MTMR9: variants seen among roughly 807,000 people sequenced by gnomAD.
The protein encoded by MTMR9 is myotubularin related protein 9.
Under a neutral mutation model 69.5 loss-of-function variants are expected in MTMR9, and 39 were observed. The observed-to-expected ratio is 0.56, with a 90% confidence interval of 0.43 to 0.73. The LOEUF is 0.73. MTMR9 is among the 30% of genes least tolerant of loss of function. The pLI, the probability that MTMR9 is intolerant of heterozygous loss-of-function variation, is 0.00. For missense variants in MTMR9, 900 were observed against 671.2 expected (o/e 1.34, Z -3.77); for synonymous variants, 354 against 240.8 (o/e 1.47, Z -4.35).
At chr8:11,288,187 C>G (rs1442833399) in intron 1 of MTMR9, among the ~76,000 whole-genome samples, 3 of 133,272 alleles carry the variant, frequency 2.3e-5, no homozygotes, top group Non-Finnish European at 3.1e-5. Flanking sequence ...ACCTATTCAC[C>G]TAATACATGT....
At chr8:11,295,125 A>AG in intron 1 of MTMR9, 69 bp from the exon 2 acceptor site, 1 of 831,918 alleles carries the variant, frequency 1.2e-6, no homozygotes. Flanking sequence ...TTCTCTTTTC[A>AG]AAGAAATAAT....
chr8:11,329,360 C>A (rs902504879), downstream of MTMR9, among the ~76,000 whole-genome samples: 8 of 152,240 alleles, frequency 5.3e-5, no homozygotes, highest in African/African-American at 1.9e-4. Context: ...CCCTCTGATG[C>A]CGAGCCAAAG....
Position 11,298,452 on chromosome 8 carries a change from G to A in MTMR9, c.292-1571G>A, listed in dbSNP as rs117018004. On this transcript the variant is annotated intron_variant, in intron 2 of 9. Coordinates refer to ENST00000221086, the MANE Select transcript of MTMR9 (RefSeq NM_015458.4). ...GCTTCTCTATATTTTGTTTTATGAGGTAGGAGAGAAGGTTTCATGATTTAT... is the reference window on the plus strand; with the variant it reads ...GCTTCTCTATATTTTGTTTTATGAGATAGGAGAGAAGGTTTCATGATTTAT... Among the ~76,000 whole-genome samples the A allele has an allele frequency of 3.3e-3, 504 of 152,156 alleles. 4 individuals are homozygous for A. Among genetic ancestry groups the A allele is most frequent in the Non-Finnish European group, 2.4e-3 (160 of 68,008 alleles).
intron 2 of MTMR9, chr8:11,297,883 T>A (rs377014461): frequency 1.0e-4 from 46 of 456,194 alleles, no homozygotes; most frequent in South Asian, 5.6e-4. Context: ...CTGTCCTCTA[T>A]CCTTTTCCTG....
Position 11,284,822 on chromosome 8 carries a change from T to C in MTMR9, c.-67T>C. On this transcript the variant is annotated 5_prime_UTR_variant, in exon 1 of 10. Coordinates refer to ENST00000221086, the MANE Select transcript of MTMR9 (RefSeq NM_015458.4). ...CCCCGCGCCGGGTGTTTCCGCTACT[T>C]CCCTGCGGCGGGGTAACCGCCTCGC... 1 of 1,436,088 alleles carries C rather than the reference T, an allele frequency of 7.0e-7. No individual in the cohort carries two copies. Among genetic ancestry groups the C allele is most frequent in the Non-Finnish European group, 9.3e-7 (1 of 1,073,040 alleles). 89.0% of individuals were successfully genotyped at this position (1,436,088 alleles called of 1,614,324 possible).
chr8:11,322,318 A>C lies in MTMR9; in HGVS notation c.1487-307A>C, dbSNP rs1223066000. On this transcript the variant is annotated intron_variant, in intron 9 of 9. Coordinates refer to ENST00000221086, the MANE Select transcript of MTMR9 (RefSeq NM_015458.4). ...AAAGTTTATGACATTGCAAATTATC[A>C]TCTTGTTTTCCTGAATATATCATAA... 2.0e-5 allele frequency among the ~76,000 whole-genome samples: 3 copies of C among 152,220 alleles called. No homozygotes were observed. In the East Asian group the frequency reaches 5.8e-4, roughly 29 times the overall value.
the MTMR9 span, among the ~76,000 whole-genome samples, chr8:11,336,270 G>A: frequency 6.6e-6 from 1 of 152,152 alleles, no homozygotes; most frequent in Non-Finnish European, 1.5e-5. Context: ...TCTATGCATA[G>A]CCTCCATCCC....
downstream of MTMR9, chr8:11,331,239 C>G (rs538767857): frequency 1.1e-5 from 17 of 1,612,910 alleles, 1 homozygote; most frequent in Middle Eastern, 1.2e-3. Context: ...GGTGGCCCTG[C>G]TGGGTGGGGG....
chr8:11,314,546 G>A (rs1800332689), intron 6 of MTMR9, among the ~76,000 whole-genome samples: 1 of 152,138 alleles, frequency 6.6e-6, no homozygotes, highest in South Asian at 2.1e-4. Flanking sequence ...GATGAGAAGA[G>A]GCTTTAACCA....
chr8:11,313,971 G>C (rs1166459888), intron 6 of MTMR9, among the ~76,000 whole-genome samples: 2 of 152,230 alleles, frequency 1.3e-5, no homozygotes, highest in Non-Finnish European at 2.9e-5. Context: ...TGCAGTATCT[G>C]TGAAGAGCAA....
chr8:11,317,286 A>G (rs1292190874), intron 8 of MTMR9: 2 of 153,388 alleles, frequency 1.3e-5, no homozygotes, highest in African/African-American at 2.4e-5. Context: ...TTGGTCATCA[A>G]AAGTGTGGCC....
rs1332629344 is a variant in MTMR9, at chr8:11,326,006, A to G, written c.*3218A>G. On this transcript the variant is annotated 3_prime_UTR_variant, in exon 10 of 10. Coordinates refer to ENST00000221086, the MANE Select transcript of MTMR9 (RefSeq NM_015458.4). ...AGGCCTGATTTAGGGGTGGGATTTT[A>G]TTGCTTTTTGTTTTAAAGGATGAAA... 1.3e-5 allele frequency: 2 copies of G among 152,190 alleles called. No individual in the cohort carries two copies. The highest frequency in any genetic ancestry group is 1.3e-4 in the Admixed American group (2 of 15,300). 9.4% of individuals were successfully genotyped at this position (152,190 alleles called of 1,614,324 possible). A position where few individuals can be genotyped will look rare whatever the true frequency, so the allele number is the denominator to read the frequency against.
At chr8:11,298,743 A>G (rs1471326709) in intron 2 of MTMR9, 8 of 876,404 alleles carry the variant, frequency 9.1e-6, no homozygotes, top group Non-Finnish European at 1.1e-5. Flanking sequence ...CATCCAGTAT[A>G]GAAATACTTT....
chr8:11,331,152 C>G, downstream of MTMR9: 1 of 1,611,342 alleles, frequency 6.2e-7, no homozygotes, highest in Non-Finnish European at 8.5e-7. Flanking sequence ...CTCCACACAC[C>G]CATCGCCGCC....
downstream of MTMR9, chr8:11,332,184 G>C: frequency 6.6e-7 from 1 of 1,508,718 alleles, no homozygotes; most frequent in Non-Finnish European, 8.8e-7. Context: ...AAAGACTGAA[G>C]ACAAAAAAAA....
At chr8:11,314,323 G>T (rs535952568) in intron 6 of MTMR9, among the ~76,000 whole-genome samples, 41 of 152,168 alleles carry the variant, frequency 2.7e-4, no homozygotes, top group Admixed American at 5.9e-4. Flanking sequence ...AGACACTTCT[G>T]AGTCTCATGA....
At chr8:11,295,351 ACT>A in intron 2 of MTMR9, 49 bp downstream of exon 2, 1 of 1,035,578 alleles carries the variant, frequency 9.7e-7, no homozygotes. Context: ...TTATATTATG[ACT>A]CAGTGTAGCT....
At position 11,326,193 on chromosome 8, in the gene MTMR9, G is replaced by A. The variant is rs554508849; in HGVS notation, c.*3405G>A. 3 of 152,216 alleles carry A rather than the reference G, an allele frequency of 2.0e-5. No homozygotes were observed. The highest frequency in any genetic ancestry group is 4.4e-5 in the Non-Finnish European group (3 of 68,036). The allele number at this position is 152,216 out of a possible 1,614,324, so 9.4% of individuals were successfully genotyped here. On this transcript the variant is annotated 3_prime_UTR_variant, in exon 10 of 10. Coordinates refer to ENST00000221086, the MANE Select transcript of MTMR9 (RefSeq NM_015458.4). The stretch of plus-strand genomic sequence containing the variant: ...AGATCTGCTTCAAGGCATAACTCGT[G>A]TAGTTGTCTGGTTTCAGGGATAGCT...
chr8:11,295,987 G>C (rs1467335679), intron 2 of MTMR9, among the ~76,000 whole-genome samples: 3 of 152,120 alleles, frequency 2.0e-5, no homozygotes, highest in Non-Finnish European at 4.4e-5. Flanking sequence ...TTAGCAGCTA[G>C]AAGTGGAATT....
Sources: gnomAD v4.1 joint callset for allele counts (sites outside exome capture counted in the v4.1 genomes callset) on GRCh38, gnomAD v4.1.1 for gene constraint, MANE v1.5 for transcripts, NCBI Gene and HGNC (gene_info 2026-07-23, HGNC 2026-07-21) for gene names.